The following TBC1D22A variants were observed in gnomAD, a reference collection of about 807,000 sequenced individuals.
TBC1D22A encodes putative GTPase activator.
Under a neutral mutation model 60.2 loss-of-function variants are expected in TBC1D22A, and 38 were observed. The observed-to-expected ratio is 0.63, with a 90% confidence interval of 0.49 to 0.83. The LOEUF (loss-of-function observed/expected upper bound fraction) is 0.83, where lower values mean the gene tolerates loss of function less well. Ranked by LOEUF, TBC1D22A falls within the 40% of genes least tolerant of loss-of-function variation. The pLI, the probability that TBC1D22A is intolerant of heterozygous loss-of-function variation, is 0.00. For synonymous variants in TBC1D22A, 302 were observed against 281.7 expected (o/e 1.07, Z -0.72); for missense variants, 628 against 701.0 (o/e 0.90, Z 1.18).
chr22:46,913,300 GTGCTCGCCTGT>G (rs770655265), intron 8 of TBC1D22A: 1 of 1,357,622 alleles, frequency 7.4e-7, no homozygotes, highest in Non-Finnish European at 9.8e-7. Context: ...TCTGGACTTG[GTGCTCGCCTGT>G]TGTTATTACA....
intron 10 of TBC1D22A, among the ~76,000 whole-genome samples, chr22:47,017,512 G>A (rs920448911): frequency 2.7e-4 from 41 of 151,980 alleles, no homozygotes; most frequent in Admixed American, 1.2e-3. Flanking sequence ...GGTGGGCTCT[G>A]GGCACACCCA....
At position 47,111,567 on chromosome 22, in the gene TBC1D22A, A is replaced by G; in HGVS notation, c.1389A>G (p.Arg463=). The change falls in exon 12 of 13, where the codon AGA becomes AGG. Residue 463 remains arginine (R), a synonymous_variant. Coordinates refer to ENST00000337137, the MANE Select transcript of TBC1D22A (RefSeq NM_014346.5). ...ACGTGTGCGCTGCTTTTCTCGTGAG[A>G]TGGAGGAAGGAAATACTAGAAGAAA... is the stretch of plus-strand genomic sequence containing the variant. The part of the protein sequence containing the change: ...HLYVCAAFLV[R]WRKEILEEKD... 1.2e-6 allele frequency: 2 copies of G among 1,614,068 alleles called. No homozygotes were observed. Among genetic ancestry groups the G allele is most frequent in the Non-Finnish European group, 1.7e-6 (2 of 1,180,014 alleles).
chr22:46,790,110 G>A (rs919947579), intron 1 of TBC1D22A, among the ~76,000 whole-genome samples: 1 of 152,204 alleles, frequency 6.6e-6, no homozygotes, highest in African/African-American at 2.4e-5. Flanking sequence ...TTGCAAGTCT[G>A]ATGTGGGTCT....
chr22:46,937,405 A>G lies in TBC1D22A; in HGVS notation c.1015+25217A>G, dbSNP rs2071719145. Among the ~76,000 whole-genome samples the G allele has an allele frequency of 3.3e-5, 5 of 152,262 alleles. 1 individual carries two copies. In the South Asian group the frequency reaches 1.0e-3, roughly 32 times the overall value. On this transcript the variant is annotated intron_variant, in intron 8 of 12. Coordinates refer to ENST00000337137, the MANE Select transcript of TBC1D22A (RefSeq NM_014346.5). ...ACCTGGTGACATCATGGCCATTGTA[A>G]TGTCTTAGCAGCATGCATTAACCAC...
At chr22:47,133,868 A>C (rs1194478468) in intron 12 of TBC1D22A, among the ~76,000 whole-genome samples, 1 of 152,056 alleles carries the variant, frequency 6.6e-6, no homozygotes, top group African/African-American at 2.4e-5. Flanking sequence ...GCGAGCTCCA[A>C]ACATCCTTCC....
In TBC1D22A at chr22:46,777,150, G is replaced by C. The variant is rs1212832989; in HGVS notation, c.62+14302G>C. Reference sequence around the variant, plus strand: ...GGAGACGAGGCTGACCCTCCTGTTGGTGGATGGCAGTTCTGGAGGTGGTCA... The same window carrying C: ...GGAGACGAGGCTGACCCTCCTGTTGCTGGATGGCAGTTCTGGAGGTGGTCA... On this transcript the variant is annotated intron_variant, in intron 1 of 12. Coordinates refer to ENST00000337137, the MANE Select transcript of TBC1D22A (RefSeq NM_014346.5). This position sits in a 1 kb window ranked among gnomAD's most constrained non-coding sequence, Gnocchi z 4.5. 6.6e-6 allele frequency among the ~76,000 whole-genome samples: 1 copy of C among 152,134 alleles called. No individual in the cohort carries two copies. The highest frequency in any genetic ancestry group is 1.9e-4 in the East Asian group (1 of 5,180).
At chr22:46,792,383 G>A in intron 1 of TBC1D22A, 137 bp from the exon 2 acceptor site, 1 of 1,178,124 alleles carries the variant, frequency 8.5e-7, no homozygotes, top group Non-Finnish European at 1.2e-6. Flanking sequence ...GGCTGCAGGG[G>A]GGCCTGCGAC....
At chr22:47,027,040 G>T (rs2062279808) in intron 10 of TBC1D22A, among the ~76,000 whole-genome samples, 1 of 152,182 alleles carries the variant, frequency 6.6e-6, no homozygotes, top group African/African-American at 2.4e-5. Flanking sequence ...AATCAAGACA[G>T]CATGTTGTTG....
chr22:47,037,186 G>A lies in TBC1D22A; in HGVS notation c.1317G>A (p.Trp439Ter). The part of the protein sequence containing the change: ...EVPLRCTIRL[W>*]DTYQSEPDGF... ...CCCTGCGTTGTACCATCCGCCTGTG[G>A]GACACCTACCAGGTGAGCTCTCCTT... is the stretch of plus-strand genomic sequence containing the variant. The change falls in exon 11 of 13, where the codon TGG becomes TGA. Residue 439 changes from tryptophan (W) to a stop codon, truncating the protein, a stop_gained. Coordinates refer to ENST00000337137, the MANE Select transcript of TBC1D22A (RefSeq NM_014346.5). LOFTEE classifies it high-confidence loss of function. The A allele has an allele frequency of 6.2e-7, 1 of 1,613,650 alleles. No homozygotes were observed. Among genetic ancestry groups the A allele is most frequent in the Non-Finnish European group, 8.5e-7 (1 of 1,179,848 alleles).
chr22:47,048,205 C>T (rs1024005880), intron 11 of TBC1D22A, among the ~76,000 whole-genome samples: 12 of 152,218 alleles, frequency 7.9e-5, no homozygotes, highest in African/African-American at 2.4e-4. Context: ...TGTGTGGACC[C>T]GTCTTATGTG....
intron 4 of TBC1D22A, among the ~76,000 whole-genome samples, chr22:46,833,982 C>T (rs969165697): frequency 4.6e-5 from 7 of 152,142 alleles, no homozygotes; most frequent in African/African-American, 1.4e-4. Context: ...CTTTTCTTTC[C>T]ATTTTCTTTT....
chr22:46,960,123 C>T (rs1331342169), intron 8 of TBC1D22A, among the ~76,000 whole-genome samples: 1 of 152,236 alleles, frequency 6.6e-6, no homozygotes, highest in East Asian at 1.9e-4. Flanking sequence ...TGAGTCTCTT[C>T]TGTTACCTCC....
intron 11 of TBC1D22A, among the ~76,000 whole-genome samples, chr22:47,093,017 C>T (rs565070126): frequency 1.3e-5 from 2 of 152,260 alleles, no homozygotes; most frequent in South Asian, 2.1e-4. Flanking sequence ...GGAGGAGCAT[C>T]GAGGGTGGCT....
At chr22:47,109,269 A>G (rs1188627926) in intron 11 of TBC1D22A, among the ~76,000 whole-genome samples, 2 of 152,216 alleles carry the variant, frequency 1.3e-5, no homozygotes, top group Non-Finnish European at 2.9e-5. Context: ...AAGGAGAAAG[A>G]CATACACTCA....
At chr22:46,959,266 G>C (rs559872077) in intron 8 of TBC1D22A, among the ~76,000 whole-genome samples, 281 of 152,334 alleles carry the variant, frequency 1.8e-3, no homozygotes, top group African/African-American at 6.4e-3. Flanking sequence ...GGGCTGGTGT[G>C]AGGGTGGCAC....
chr22:47,006,068 A>G lies in TBC1D22A; in HGVS notation c.1201+8359A>G, dbSNP rs538294719. Among the ~76,000 whole-genome samples the G allele has an allele frequency of 2.7e-3, 413 of 152,298 alleles. 1 individual carries two copies. The highest frequency in any genetic ancestry group is 9.3e-3 in the African/African-American group (385 of 41,556). On this transcript the variant is annotated intron_variant, in intron 10 of 12. Coordinates refer to ENST00000337137, the MANE Select transcript of TBC1D22A (RefSeq NM_014346.5). ...CACACACACACATGTATTTAGACAC[A>G]CCCACTTTAGATATGTTTAATCTCA... is the stretch of plus-strand genomic sequence containing the variant.
intron 4 of TBC1D22A, among the ~76,000 whole-genome samples, chr22:46,798,230 A>G (rs2084742571): frequency 6.6e-6 from 1 of 152,212 alleles, no homozygotes; most frequent in South Asian, 2.1e-4. Context: ...GCCCTTGGTG[A>G]GCCCTTCGAG....
chr22:46,926,233 C>G (rs2071041541), intron 8 of TBC1D22A, among the ~76,000 whole-genome samples: 1 of 152,106 alleles, frequency 6.6e-6, no homozygotes, highest in South Asian at 2.1e-4. Context: ...CATTAACTTT[C>G]CACTTTCCGA....
intron 1 of TBC1D22A, among the ~76,000 whole-genome samples, chr22:46,781,194 T>C (rs893036823): frequency 2.0e-5 from 3 of 150,234 alleles, no homozygotes; most frequent in African/African-American, 7.3e-5. Flanking sequence ...GTGCAGTTGC[T>C]GGTGCTGGTG....
Sources: allele counts gnomAD v4.1 joint callset (sites outside exome capture counted in the v4.1 genomes callset), GRCh38; gene constraint gnomAD v4.1.1; non-coding constraint Gnocchi (gnomAD v3.1); transcripts MANE v1.5; gene names NCBI Gene and HGNC (gene_info 2026-07-23, HGNC 2026-07-21).